The following EDEM3 variants were observed in gnomAD, a reference collection of about 807,000 sequenced individuals.
EDEM3 encodes the protein ER degradation-enhancing alpha-mannosidase-like protein 3.
EDEM3 carries 60 observed loss-of-function variants against 110.2 expected under a neutral mutation model. The ratio of observed to expected loss-of-function variants is 0.54; its 90% CI spans 0.44 to 0.67. The LOEUF is 0.67. EDEM3 is among the 30% of genes least tolerant of loss of function. The pLI, the probability that EDEM3 is intolerant of heterozygous loss-of-function variation, is 0.00. For synonymous variants in EDEM3, 352 were observed against 382.9 expected (o/e 0.92, Z 0.94); for missense variants, 996 against 1,121.0 (o/e 0.89, Z 1.59).
chr1:184,752,225 A>G (rs1488085016), intron 1 of EDEM3, among the ~76,000 whole-genome samples: 2 of 152,244 alleles, frequency 1.3e-5, no homozygotes, highest in Admixed American at 6.5e-5. Flanking sequence ...ATAACCAGCT[A>G]AGTAATTCCA....
chr1:184,727,146 G>C (rs1036284277), intron 6 of EDEM3, among the ~76,000 whole-genome samples: 1 of 152,172 alleles, frequency 6.6e-6, no homozygotes, highest in Non-Finnish European at 1.5e-5. Context: ...ACAAAAATCA[G>C]CCAGGCATGG....
intron 7 of EDEM3, among the ~76,000 whole-genome samples, chr1:184,725,174 AAT>A (rs1491161759): frequency 1.3e-5 from 2 of 152,086 alleles, no homozygotes; most frequent in Non-Finnish European, 2.9e-5. Flanking sequence ...CGTATTCAAG[AAT>A]TTTTTTTTTT....
intron 2 of EDEM3, among the ~76,000 whole-genome samples, chr1:184,747,690 T>C (rs890260071): frequency 1.3e-5 from 2 of 152,214 alleles, no homozygotes; most frequent in African/African-American, 4.8e-5. Context: ...TTAAATCTTA[T>C]TAAGTAGTTA....
intron 2 of EDEM3, among the ~76,000 whole-genome samples, chr1:184,745,746 C>T (rs756477726): frequency 5.3e-5 from 8 of 151,970 alleles, no homozygotes; most frequent in African/African-American, 1.7e-4. Context: ...TTATTAGGTA[C>T]GATTCTACTA....
chr1:184,730,234 C>A (rs184557475), intron 6 of EDEM3, among the ~76,000 whole-genome samples: 1 of 152,238 alleles, frequency 6.6e-6, no homozygotes, highest in Non-Finnish European at 1.5e-5. Flanking sequence ...ACTTCCTCTT[C>A]GAGTAATTTA....
At chr1:184,724,718 AG>A (rs1490819495) in intron 7 of EDEM3, among the ~76,000 whole-genome samples, 2 of 152,194 alleles carry the variant, frequency 1.3e-5, no homozygotes, top group Non-Finnish European at 2.9e-5. Context: ...AACACAAAGC[AG>A]GTTATAATTT....
intron 12 of EDEM3, 64 bp from the exon 13 acceptor site, chr1:184,717,076 T>TTACCAAATATTTATTGAG: frequency 7.4e-7 from 1 of 1,353,544 alleles, no homozygotes; most frequent in South Asian, 1.5e-5. Flanking sequence ...ATCCATTCAT[T>TTACCAAATATTTATTGAG]TACCAAATAT....
At chr1:184,748,861 T>C (rs1452249745) in intron 2 of EDEM3, among the ~76,000 whole-genome samples, 1 of 152,230 alleles carries the variant, frequency 6.6e-6, no homozygotes, top group Non-Finnish European at 1.5e-5. Context: ...TGCTGACATA[T>C]TTTAAAATGT....
intron 1 of EDEM3, 82 bp downstream of exon 1, chr1:184,754,407 A>G: frequency 6.3e-7 from 1 of 1,587,222 alleles, no homozygotes; most frequent in Non-Finnish European, 8.6e-7. Context: ...AGAGGCCACT[A>G]CGCGACCGGG....
At position 184,703,007 on chromosome 1, in the gene EDEM3, A is replaced by G; in HGVS notation, c.2204-11T>C. 1 of 1,585,262 alleles carries G rather than the reference A, an allele frequency of 6.3e-7. No individual in the cohort carries two copies. The highest frequency in any genetic ancestry group is 8.6e-7 in the Non-Finnish European group (1 of 1,167,508). ...TCCCCTCATTGTCATCTAGCCAGAA[A>G]ATAAATACAGCAAACATCAAAATAT... On this transcript the variant is annotated splice_polypyrimidine_tract_variant and intron_variant, in intron 18 of 19. Transcript: ENST00000318130.
chr1:184,738,492 G>A (rs1651955243), intron 2 of EDEM3, among the ~76,000 whole-genome samples: 1 of 152,102 alleles, frequency 6.6e-6, no homozygotes, highest in Admixed American at 6.6e-5. Flanking sequence ...AAACACCTAT[G>A]TGCATGTATC....
intron 9 of EDEM3, among the ~76,000 whole-genome samples, chr1:184,720,260 C>T (rs1650810836): frequency 6.7e-6 from 1 of 150,178 alleles, no homozygotes; most frequent in African/African-American, 2.5e-5. Flanking sequence ...GACTTATTAA[C>T]TTTTACTAAT....
chr1:184,742,998 A>T (rs542084266), intron 2 of EDEM3, among the ~76,000 whole-genome samples: 3 of 152,294 alleles, frequency 2.0e-5, no homozygotes, highest in African/African-American at 7.2e-5. Flanking sequence ...AGACACACAC[A>T]TACCTCTGTC....
intron 13 of EDEM3, among the ~76,000 whole-genome samples, chr1:184,714,950 T>C (rs143517224): frequency 6.6e-6 from 1 of 152,240 alleles, no homozygotes; most frequent in East Asian, 1.9e-4. Flanking sequence ...GCACATCTAA[T>C]AACACAATAT....
intron 7 of EDEM3, 99 bp from the exon 8 acceptor site, chr1:184,723,955 T>G: frequency 1.7e-5 from 13 of 785,744 alleles, no homozygotes; most frequent in Non-Finnish European, 2.3e-5. Context: ...CAAAGGCCGA[T>G]AGGATATTTT....
At chr1:184,696,198 G>A (rs1301694216) in intron 19 of EDEM3, among the ~76,000 whole-genome samples, 1 of 151,902 alleles carries the variant, frequency 6.6e-6, no homozygotes, top group Non-Finnish European at 1.5e-5. Context: ...CTTTTCTTCT[G>A]TTCTTCTGAG....
At chr1:184,749,613 A>T in intron 1 of EDEM3, 21 bp from the exon 2 acceptor site, 1 of 1,395,926 alleles carries the variant, frequency 7.2e-7, no homozygotes. Flanking sequence ...AAGAGCAGAA[A>T]TGGAAAAAAA....
intron 1 of EDEM3, among the ~76,000 whole-genome samples, chr1:184,752,324 G>A (rs941083926): frequency 6.6e-6 from 1 of 152,196 alleles, no homozygotes; most frequent in East Asian, 1.9e-4. Flanking sequence ...GAGGGAAAGG[G>A]GTGGGGCATT....
intron 3 of EDEM3, among the ~76,000 whole-genome samples, 188 bp downstream of exon 3, chr1:184,737,423 T>A (rs1330515291): frequency 6.6e-6 from 1 of 152,236 alleles, no homozygotes; most frequent in Non-Finnish European, 1.5e-5. Context: ...TTTTCTCTGA[T>A]CCAAGATGTA....
Sources: allele counts gnomAD v4.1 joint callset (sites outside exome capture counted in the v4.1 genomes callset), GRCh38; gene constraint gnomAD v4.1.1; transcripts MANE v1.5; gene names NCBI Gene and HGNC (gene_info 2026-07-23, HGNC 2026-07-21).